Variants in CTNNA3 observed in about 807,000 individuals in gnomAD.
CTNNA3 encodes catenin alpha-3.
Under a neutral mutation model 95.7 loss-of-function variants are expected in CTNNA3, and 76 were observed. The ratio of observed to expected loss-of-function variants is 0.79; its 90% CI spans 0.66 to 0.96. The LOEUF (loss-of-function observed/expected upper bound fraction) is 0.96, where lower values mean the gene tolerates loss of function less well. CTNNA3 is among the 40% of genes least tolerant of loss of function. CTNNA3 has a pLI of 0.00. For missense variants in CTNNA3, 1,191 were observed against 1,089.8 expected (o/e 1.09, Z -1.31); for synonymous variants, 431 against 374.4 (o/e 1.15, Z -1.74).
chr10:66,249,678 G>C (rs1415870895), intron 13 of CTNNA3, among the ~76,000 whole-genome samples: 1 of 152,142 alleles, frequency 6.6e-6, no homozygotes, highest in Non-Finnish European at 1.5e-5. Context: ...TACACTGTTG[G>C]TGGGGATGTA....
chr10:66,196,925 T>C (rs1261427997), intron 13 of CTNNA3, among the ~76,000 whole-genome samples: 1 of 152,100 alleles, frequency 6.6e-6, no homozygotes, highest in East Asian at 1.9e-4. Flanking sequence ...TGAAGCTGAG[T>C]AAATCAGAGC....
At chr10:66,838,311 T>G (rs1303876042) in intron 7 of CTNNA3, among the ~76,000 whole-genome samples, 2 of 152,154 alleles carry the variant, frequency 1.3e-5, no homozygotes, top group Non-Finnish European at 2.9e-5. Flanking sequence ...AGATGATTCA[T>G]GTATAAACAA....
At chr10:66,167,258 T>TAGAATAATTA (rs1210954510) in intron 13 of CTNNA3, among the ~76,000 whole-genome samples, 3 of 152,148 alleles carry the variant, frequency 2.0e-5, no homozygotes, top group African/African-American at 7.2e-5. Context: ...CAATTATTAT[T>TAGAATAATTA]TTAAAAGGAG....
intron 7 of CTNNA3, among the ~76,000 whole-genome samples, chr10:67,056,120 G>T (rs1210979826): frequency 6.6e-6 from 1 of 152,090 alleles, no homozygotes; most frequent in Non-Finnish European, 1.5e-5. Flanking sequence ...AAATAAAAGG[G>T]TAGTCTACCT....
intron 10 of CTNNA3, among the ~76,000 whole-genome samples, chr10:66,604,231 A>G (rs965064413): frequency 1.3e-5 from 2 of 152,196 alleles, no homozygotes; most frequent in African/African-American, 4.8e-5. Flanking sequence ...CAAGCAGCTC[A>G]GTAGCAAAAA....
intron 9 of CTNNA3, among the ~76,000 whole-genome samples, chr10:66,638,311 G>C (rs1845403015): frequency 6.6e-6 from 1 of 152,014 alleles, no homozygotes; most frequent in South Asian, 2.1e-4. Flanking sequence ...CAACTCAAGT[G>C]CAATTCGTGA....
At chr10:66,861,942 C>T (rs891560214) in intron 7 of CTNNA3, among the ~76,000 whole-genome samples, 2 of 152,126 alleles carry the variant, frequency 1.3e-5, no homozygotes, top group Admixed American at 6.5e-5. Context: ...TAGCCAGCCA[C>T]TGTGGGTCAC....
intron 15 of CTNNA3, among the ~76,000 whole-genome samples, chr10:66,042,974 T>TTAGAGAATAAG (rs2079733990): frequency 7.4e-6 from 1 of 134,958 alleles, no homozygotes; most frequent in Non-Finnish European, 1.6e-5. Context: ...AACAGGACTA[T>TTAGAGAATAAG]TAGAGAATAA....
intron 11 of CTNNA3, among the ~76,000 whole-genome samples, chr10:66,420,969 T>C (rs1384266716): frequency 6.6e-6 from 1 of 152,122 alleles, no homozygotes; most frequent in Non-Finnish European, 1.5e-5. Flanking sequence ...ACTCACATGT[T>C]TGTTGTAGCA....
chr10:67,609,497 C>T (rs925357174), intron 2 of CTNNA3, among the ~76,000 whole-genome samples: 4 of 152,050 alleles, frequency 2.6e-5, no homozygotes, highest in African/African-American at 9.7e-5. Context: ...GGATGAAAAT[C>T]ATTTTCATCT....
At chr10:66,866,119 T>G (rs1844166502) in intron 7 of CTNNA3, among the ~76,000 whole-genome samples, 1 of 152,188 alleles carries the variant, frequency 6.6e-6, no homozygotes. Context: ...CCTGGGAATT[T>G]GACTGACTTC....
At chr10:67,257,473 T>C (rs1235565263) in intron 5 of CTNNA3, among the ~76,000 whole-genome samples, 2 of 152,362 alleles carry the variant, frequency 1.3e-5, no homozygotes, top group South Asian at 2.1e-4. Context: ...AATGCCTTAT[T>C]ACATATAATG....
chr10:67,370,080 CATTATTCTGTGTAATGGCAA>C (rs1843363963), intron 5 of CTNNA3, among the ~76,000 whole-genome samples: 1 of 152,084 alleles, frequency 6.6e-6, no homozygotes, highest in African/African-American at 2.4e-5. Flanking sequence ...TTATTACTTA[CATTATTCTGTGTAATGGCAA>C]AAGATTGAAA....
chr10:66,424,013 G>T (rs2093218802), intron 11 of CTNNA3, among the ~76,000 whole-genome samples: 1 of 151,936 alleles, frequency 6.6e-6, no homozygotes, highest in African/African-American at 2.4e-5. Flanking sequence ...TACTTTACTT[G>T]TCTATTTTAT....
At chr10:67,079,748 T>TGA (rs1482267595) in intron 7 of CTNNA3, among the ~76,000 whole-genome samples, 1 of 151,994 alleles carries the variant, frequency 6.6e-6, no homozygotes. Context: ...CTCAGGAGGC[T>TGA]GAGGCAGGAG....
intron 13 of CTNNA3, among the ~76,000 whole-genome samples, chr10:66,242,604 G>C (rs1354743360): frequency 6.6e-6 from 1 of 152,174 alleles, no homozygotes; most frequent in African/African-American, 2.4e-5. Context: ...ACTTATAAGA[G>C]TGAGTAAAAT....
intron 5 of CTNNA3, among the ~76,000 whole-genome samples, chr10:67,377,759 C>A (rs967403620): frequency 6.6e-6 from 1 of 152,088 alleles, no homozygotes. Flanking sequence ...AAACATTTGT[C>A]ATTTCTTTGT....
chr10:67,420,835 T>C (rs1012948989), intron 5 of CTNNA3, among the ~76,000 whole-genome samples: 2 of 152,196 alleles, frequency 1.3e-5, no homozygotes, highest in African/African-American at 4.8e-5. Context: ...TTTCTTATTA[T>C]TGATATTAAT....
At chr10:67,260,212 G>A (rs923824060) in intron 5 of CTNNA3, among the ~76,000 whole-genome samples, 2 of 152,152 alleles carry the variant, frequency 1.3e-5, no homozygotes, top group African/African-American at 4.8e-5. Flanking sequence ...TGATAATGGA[G>A]AAGGAAAGAG....
Sources: allele counts gnomAD v4.1 joint callset (sites outside exome capture counted in the v4.1 genomes callset), GRCh38; gene constraint gnomAD v4.1.1; transcripts MANE v1.5; gene names NCBI Gene and HGNC (gene_info 2026-07-23, HGNC 2026-07-21).